L3HYPDH: variants seen among roughly 807,000 people sequenced by gnomAD.
L3HYPDH encodes trans-L-3-hydroxyproline dehydratase, also known as trans-3-hydroxy-L-proline dehydratase.
In L3HYPDH, 32 loss-of-function variants were observed where a neutral mutation model predicts 26.5. That is an observed-to-expected ratio of 1.21 (90% confidence interval 0.91 to 1.62). The LOEUF is 1.62. Ranked by LOEUF, L3HYPDH falls within the 40% of genes most tolerant of loss-of-function variation. The pLI, the probability that L3HYPDH is intolerant of heterozygous loss-of-function variation, is 0.00. For synonymous variants in L3HYPDH, 215 were observed against 196.6 expected, an observed-to-expected ratio of 1.09 and a Z score of -0.78; for missense variants, 554 against 476.4, an observed-to-expected ratio of 1.16 and a Z score of -1.52.
At chr14:59,498,777 T>G in the L3HYPDH span, 7 of 1,604,516 alleles carry the variant, frequency 4.4e-6, no homozygotes, top group Non-Finnish European at 6.0e-6. Context: ...TTAATGATGC[T>G]GCTCCGACCT....
At chr14:59,502,463 C>T in the L3HYPDH span, among the ~76,000 whole-genome samples, 1 of 152,254 alleles carries the variant, frequency 6.6e-6, no homozygotes, top group South Asian at 2.1e-4. Flanking sequence ...CTGCTGATGC[C>T]ACTTTTTCTA....
chr14:59,489,189 TTAAGTA>T (rs58648539), upstream of L3HYPDH, among the ~76,000 whole-genome samples: 58,883 of 151,720 alleles, frequency 0.39, 12,106 homozygotes, highest in African/African-American at 0.52. Context: ...GCTTTCCTTT[TTAAGTA>T]TAAGTCCCAA....
chr14:59,482,098 CAAGA>C (rs1228090804), intron 1 of L3HYPDH, among the ~76,000 whole-genome samples: 2 of 152,084 alleles, frequency 1.3e-5, no homozygotes, highest in Non-Finnish European at 2.9e-5. Context: ...ATACTGTGAA[CAAGA>C]AAGAGTTTGC....
In L3HYPDH at chr14:59,479,203, C is replaced by T. The variant is rs773836258; in HGVS notation, c.657G>A (p.Val219=). ...TRDLVDAASA[V]TEAVKAQFKI... is the part of the protein sequence containing the mutation. ...TGACCTGAGCTTTCACTGCCTCTGTCACTGCACTCGCTGCATCCACAAGGT... is the reference window on the plus strand; with the variant it reads ...TGACCTGAGCTTTCACTGCCTCTGTTACTGCACTCGCTGCATCCACAAGGT... Residue 219 remains valine, a synonymous_variant, in exon 2 of 5, where the codon GTG becomes GTA. Transcript: ENST00000247194. The T allele has an allele frequency of 4.5e-5, 73 of 1,608,994 alleles. No homozygotes were observed. The highest frequency in any genetic ancestry group is 5.8e-5 in the Non-Finnish European group (68 of 1,178,946).
rs1377546621 is a variant in L3HYPDH at position 59,475,909 on chromosome 14, CT to C, written c.898del (p.Ser300AlafsTer13). ...TGTGAATACTGAGCCAGTTGCACTGCTTTTGAAGGCTCTCATCTGGTTCAGT... is the reference window on the plus strand; with the variant it reads ...TGTGAATACTGAGCCAGTTGCACTGCTTTGAAGGCTCTCATCTGGTTCAGT... ...LELNQMRAFK[S>X]SATGSVFTGK... On this transcript the variant is annotated frameshift_variant, in exon 4 of 5. Coordinates refer to ENST00000247194, the MANE Select transcript of L3HYPDH (RefSeq NM_144581.2). LOFTEE classifies it high-confidence loss of function. 1 of 1,613,602 alleles carries C rather than the reference CT, an allele frequency of 6.2e-7. No individual in the cohort carries two copies. The highest frequency in any genetic ancestry group is 1.3e-5 in the African/African-American group (1 of 74,908).
chr14:59,478,080 A>C (rs1194063394), intron 2 of L3HYPDH, among the ~76,000 whole-genome samples: 1 of 152,238 alleles, frequency 6.6e-6, no homozygotes, highest in South Asian at 2.1e-4. Context: ...TAGGAAAAAA[A>C]TAATAGGAAT....
chr14:59,473,412 T>C (rs551046661), intron 4 of L3HYPDH, among the ~76,000 whole-genome samples: 4 of 152,222 alleles, frequency 2.6e-5, no homozygotes, highest in South Asian at 4.1e-4. Context: ...TATACTAACA[T>C]AGAGATAGTT....
At chr14:59,476,355 G>T in intron 2 of L3HYPDH, 141 bp from the exon 3 acceptor site, 1 of 620,854 alleles carries the variant, frequency 1.6e-6, no homozygotes, top group Non-Finnish European at 2.7e-6. Context: ...TATACTAATT[G>T]CTAGAAATTA....
downstream of L3HYPDH, among the ~76,000 whole-genome samples, chr14:59,470,624 G>A (rs968739386): frequency 7.2e-5 from 11 of 152,148 alleles, no homozygotes; most frequent in African/African-American, 2.7e-4. Flanking sequence ...AGAGTTGCCT[G>A]TTCTAAAATG....
chr14:59,481,778 G>T lies in L3HYPDH; in HGVS notation c.508+2031C>A, dbSNP rs145173512. Among the ~76,000 whole-genome samples, 1,400 of 152,292 alleles carry T rather than the reference G, an allele frequency of 9.2e-3. 23 individuals carry two copies. The highest frequency in any genetic ancestry group is 0.031 in the African/African-American group (1,276 of 41,552). On this transcript the variant is annotated intron_variant, in intron 1 of 4. Transcript: ENST00000247194. The stretch of plus-strand genomic sequence containing the variant: ...TCCTTAAACTACAAAAAATTTTAAG[G>T]ATGAGAGGGAAGCAATATGATAGGC...
At chr14:59,503,040 G>A in the L3HYPDH span, among the ~76,000 whole-genome samples, 8 of 151,788 alleles carry the variant, frequency 5.3e-5, no homozygotes, top group Non-Finnish European at 7.4e-5. Flanking sequence ...GAGCCACCAC[G>A]CCTGACCTTG....
chr14:59,470,466 A>G (rs888135215), downstream of L3HYPDH, among the ~76,000 whole-genome samples: 2 of 152,212 alleles, frequency 1.3e-5, no homozygotes, highest in African/African-American at 4.8e-5. Context: ...GAGGACTTGG[A>G]GCAAAGTGCA....
At chr14:59,504,270 A>G in the L3HYPDH span, 1 of 580,348 alleles carries the variant, frequency 1.7e-6, no homozygotes, top group Non-Finnish European at 3.0e-6. Context: ...ATACTCTGTT[A>G]CACAGGGTAA....
At chr14:59,485,056 CGTTCGCTAAAGGAAAT>C (rs1566571007), upstream of L3HYPDH, 1 of 1,598,360 alleles carries the variant, frequency 6.3e-7, no homozygotes, top group Admixed American at 1.7e-5. Flanking sequence ...CTTTAGCCAT[CGTTCGCTAAAGGAAAT>C]GAAAGGAGAA....
chr14:59,484,610 A>G, upstream of L3HYPDH: 1 of 1,578,850 alleles, frequency 6.3e-7, no homozygotes, highest in Non-Finnish European at 8.6e-7. Flanking sequence ...GGTCGCCAAG[A>G]TCCCGGGAAG....
the L3HYPDH span, among the ~76,000 whole-genome samples, chr14:59,492,899 G>A: frequency 1.3e-5 from 2 of 150,786 alleles, 1 homozygote; most frequent in Non-Finnish European, 2.9e-5. Context: ...CCAGGTTCAC[G>A]TCATTCTCCT....
the L3HYPDH span, among the ~76,000 whole-genome samples, chr14:59,490,706 T>C: frequency 1.3e-5 from 2 of 152,228 alleles, no homozygotes; most frequent in African/African-American, 2.4e-5. Flanking sequence ...AAAAATACTT[T>C]AAAAATAGCA....
At chr14:59,479,387 T>C (rs1242778431) in intron 1 of L3HYPDH, 36 bp from the exon 2 acceptor site, 8 of 1,555,918 alleles carry the variant, frequency 5.1e-6, no homozygotes, top group Non-Finnish European at 6.2e-6. Context: ...AAGATGTGTT[T>C]GTTAATAAGT....
the L3HYPDH span, among the ~76,000 whole-genome samples, chr14:59,495,977 C>T: frequency 6.6e-6 from 1 of 152,240 alleles, no homozygotes. Context: ...GATCTCAGCT[C>T]ACTGCAACCT....
Sources: allele counts gnomAD v4.1 joint callset (sites outside exome capture counted in the v4.1 genomes callset), GRCh38; gene constraint gnomAD v4.1.1; transcripts MANE v1.5; gene names NCBI Gene and HGNC (gene_info 2026-07-23, HGNC 2026-07-21).